Variants in TGFBR1 observed in about 807,000 individuals in gnomAD.
TGFBR1 encodes the protein transforming growth factor beta receptor 1.
Under a neutral mutation model 55.1 loss-of-function variants are expected in TGFBR1, and 20 were observed. That is an observed-to-expected ratio of 0.36 (90% CI 0.26 to 0.53). The LOEUF (loss-of-function observed/expected upper bound fraction) is 0.53, where lower values mean the gene tolerates loss of function less well. Among genes scored for constraint, TGFBR1 ranks in the 20% least tolerant of loss-of-function variants. The pLI, the probability that TGFBR1 is intolerant of heterozygous loss-of-function variation, is 0.91. For synonymous variants in TGFBR1, 220 were observed against 214.8 expected, an observed-to-expected ratio of 1.02 and a Z score of -0.21; for missense variants, 385 against 617.6, an observed-to-expected ratio of 0.62 and a Z score of 3.99.
chr9:99,111,295 C>CTTTTTTTTTTTTTTT (rs3034196), intron 1 of TGFBR1, among the ~76,000 whole-genome samples: 3 of 55,152 alleles, frequency 5.4e-5, no homozygotes, highest in African/African-American at 2.3e-4. Flanking sequence ...TGCACCCATG[C>CTTTTTTTTTTTTTTT]TTTTTTTTTT....
In TGFBR1 at chr9:99,106,583, G is replaced by T. The variant is rs527783520; in HGVS notation, c.97+1281G>T. 3.9e-5 allele frequency among the ~76,000 whole-genome samples: 6 copies of T among 152,278 alleles called. No individual in the cohort carries two copies. In the South Asian group the frequency reaches 1.2e-3, roughly 32 times the overall value. ...CACAAGTAAACTCCCAGGAGTAGTG[G>T]CATTTGCCCCACTTTACAGATGTGC... On this transcript the variant is annotated intron_variant, in intron 1 of 8. Coordinates refer to ENST00000374994, the MANE Select transcript of TGFBR1 (RefSeq NM_004612.4).
chr9:99,112,923 T>TTC (rs3034200), intron 1 of TGFBR1, among the ~76,000 whole-genome samples: 2,964 of 150,740 alleles, frequency 0.02, 47 homozygotes, highest in Non-Finnish European at 0.031. Context: ...TCACCTCATA[T>TTC]TCTCTCTCTC....
chr9:99,129,191 C>G, intron 2 of TGFBR1, 91 bp downstream of exon 2: 1 of 1,426,210 alleles, frequency 7.0e-7, no homozygotes. Context: ...TAAAAATTGT[C>G]TAATCCAGCT....
At chr9:99,143,574 T>C (rs985545538) in intron 5 of TGFBR1, among the ~76,000 whole-genome samples, 1 of 152,224 alleles carries the variant, frequency 6.6e-6, no homozygotes, top group African/African-American at 2.4e-5. Context: ...CTCCCCACTT[T>C]ACATACAGCA....
At chr9:99,136,115 A>C (rs962171767) in intron 3 of TGFBR1, among the ~76,000 whole-genome samples, 1 of 152,180 alleles carries the variant, frequency 6.6e-6, no homozygotes. Context: ...TCGGCCTCCT[A>C]AAGTGCTGGG....
rs1410213773 is a variant in TGFBR1, at chr9:99,150,886, C to T, written c.*1581C>T. ...TTTTACTTCCAATGCTATGAAGTCT[C>T]TGCAGGGCTTTTACAGTTTTCGAAG... On this transcript the variant is annotated 3_prime_UTR_variant, in exon 9 of 9. Coordinates refer to ENST00000374994, the MANE Select transcript of TGFBR1 (RefSeq NM_004612.4). The T allele has an allele frequency of 1.3e-5, 3 of 222,632 alleles. No homozygotes were observed. The highest frequency in any genetic ancestry group is 4.5e-5 in the African/African-American group (2 of 44,794). 13.8% of individuals were successfully genotyped at this position (222,632 alleles called of 1,614,324 possible).
rs1338282983 is a variant in TGFBR1, at chr9:99,152,086, G to C, written c.*2781G>C. 4.9e-6 allele frequency: 1 copy of C among 205,988 alleles called. No individual in the cohort carries two copies. Among genetic ancestry groups the C allele is most frequent in the Non-Finnish European group, 9.9e-6 (1 of 100,818 alleles). 12.8% of individuals were successfully genotyped at this position (205,988 alleles called of 1,614,324 possible). A position where few individuals can be genotyped will look rare whatever the true frequency, so the allele number is the denominator to read the frequency against. On this transcript the variant is annotated 3_prime_UTR_variant, in exon 9 of 9. Transcript: ENST00000374994. Reference sequence around the variant, plus strand: ...CTTGGAACCTGCTCTCCTGCTTGCTGGTCCCTGACGCAGAGACCGTTGCCT... The same window carrying C: ...CTTGGAACCTGCTCTCCTGCTTGCTCGTCCCTGACGCAGAGACCGTTGCCT...
At chr9:99,110,878 C>T (rs550328493) in intron 1 of TGFBR1, among the ~76,000 whole-genome samples, 1 of 152,328 alleles carries the variant, frequency 6.6e-6, no homozygotes, top group South Asian at 2.1e-4. Context: ...GGTATGTACT[C>T]TTTTCCTATA....
intron 1 of TGFBR1, among the ~76,000 whole-genome samples, chr9:99,109,113 G>A (rs562210108): frequency 1.3e-5 from 2 of 152,278 alleles, no homozygotes; most frequent in African/African-American, 4.8e-5. Context: ...GAAGGGATGA[G>A]TGACTTCCTT....
At chr9:99,141,274 GT>G in intron 4 of TGFBR1, among the ~76,000 whole-genome samples, 1 of 152,340 alleles carries the variant, frequency 6.6e-6, no homozygotes, top group Middle Eastern at 3.4e-3. Context: ...AGTTTATAAA[GT>G]TCATGAAGAA....
rs534822277 is a variant in TGFBR1 at position 99,131,139 on chromosome 9, A to C, written c.344-1370A>C. Among the ~76,000 whole-genome samples the C allele has an allele frequency of 3.3e-5, 5 of 152,312 alleles. No homozygotes were observed. In the South Asian group the frequency reaches 1.0e-3, roughly 32 times the overall value. ...ATTAATCCAAACACATATAATAAAA[A>C]GTATCAATTTCAAGAATAAAAGAAT... is the stretch of plus-strand genomic sequence containing the variant. On this transcript the variant is annotated intron_variant, in intron 2 of 8. Transcript: ENST00000374994.
Position 99,150,967 on chromosome 9 carries a change from G to C in TGFBR1, c.*1662G>C, listed in dbSNP as rs1827964185. ...GGAGAAAAAACTATCATAGCTCTGA[G>C]GCAAGACTTCGACTTTATAGTGCTA... On this transcript the variant is annotated 3_prime_UTR_variant, in exon 9 of 9. Transcript: ENST00000374994. 4.4e-6 allele frequency: 1 copy of C among 226,870 alleles called. No homozygotes were observed. The highest frequency in any genetic ancestry group is 1.8e-4 in the South Asian group (1 of 5,480). 14.1% of individuals were successfully genotyped at this position (226,870 alleles called of 1,614,324 possible).
intron 2 of TGFBR1, among the ~76,000 whole-genome samples, chr9:99,131,949 CAA>C (rs1420005660): frequency 7.3e-6 from 1 of 137,842 alleles, no homozygotes; most frequent in Non-Finnish European, 1.6e-5. Flanking sequence ...GCCTGGGCAA[CAA>C]GAGTGAAAAT....
intron 1 of TGFBR1, among the ~76,000 whole-genome samples, chr9:99,108,167 G>A (rs1209639278): frequency 6.6e-6 from 1 of 152,130 alleles, no homozygotes; most frequent in African/African-American, 2.4e-5. Context: ...TGTAAGTCCA[G>A]TTTATGCAAT....
In TGFBR1 at chr9:99,147,809, GC is replaced by G. The variant is rs1827847486; in HGVS notation, c.1386+26del. 3.7e-6 allele frequency: 6 copies of G among 1,613,136 alleles called. No homozygotes were observed. The East Asian group carries it at 1.3e-4, about 36-fold the overall frequency. On this transcript the variant is annotated intron_variant, in intron 8 of 8. Coordinates refer to ENST00000374994, the MANE Select transcript of TGFBR1 (RefSeq NM_004612.4). ...AGTGAGTATTTCTTTTTGATATTAG[GC>G]AATTTTCTAAACTGCTTCTGCTTAG...
intron 1 of TGFBR1, among the ~76,000 whole-genome samples, chr9:99,121,931 C>CCTTG (rs1021603009): frequency 1.3e-5 from 2 of 152,004 alleles, no homozygotes; most frequent in Non-Finnish European, 2.9e-5. Context: ...AGGTAAAAGG[C>CCTTG]CAAGAGGCTT....
At chr9:99,116,156 T>G (rs922118483) in intron 1 of TGFBR1, among the ~76,000 whole-genome samples, 1 of 150,476 alleles carries the variant, frequency 6.6e-6, no homozygotes, top group Non-Finnish European at 1.5e-5. Flanking sequence ...TGATCATAAT[T>G]GTTTCTTCAC....
intron 1 of TGFBR1, among the ~76,000 whole-genome samples, chr9:99,128,475 T>TTA (rs757397252): frequency 0.064 from 6,636 of 103,946 alleles, 245 homozygotes; most frequent in Non-Finnish European, 0.091. Context: ...TTGGGCCTGG[T>TTA]AAAAAAAAAA....
chr9:99,111,548 G>C (rs1826580346), intron 1 of TGFBR1, among the ~76,000 whole-genome samples: 2 of 151,930 alleles, frequency 1.3e-5, no homozygotes, highest in Non-Finnish European at 2.9e-5. Context: ...AGAATCACTT[G>C]AACTCAGGAG....
Sources: allele counts gnomAD v4.1 joint callset (sites outside exome capture counted in the v4.1 genomes callset), GRCh38; gene constraint gnomAD v4.1.1; transcripts MANE v1.5; gene names NCBI Gene and HGNC (gene_info 2026-07-23, HGNC 2026-07-21).